Variants in AGTPBP1 observed in about 807,000 individuals in gnomAD.
AGTPBP1 encodes the protein ATP/GTP binding carboxypeptidase 1.
A neutral mutation model predicts 143.9 loss-of-function variants in AGTPBP1; 70 were observed. That is an observed-to-expected ratio of 0.49 (90% CI 0.40 to 0.59). The LOEUF is 0.59. Among genes scored for constraint, AGTPBP1 ranks in the 20% least tolerant of loss-of-function variants. The pLI, the probability that AGTPBP1 is intolerant of heterozygous loss-of-function variation, is 0.00. For missense variants in AGTPBP1, 1,229 were observed against 1,464.5 expected, an observed-to-expected ratio of 0.84 and a Z score of 2.62; for synonymous variants, 463 against 500.2, an observed-to-expected ratio of 0.93 and a Z score of 0.99.
intron 14 of AGTPBP1, among the ~76,000 whole-genome samples, chr9:85,624,349 A>G (rs1051636806): frequency 3.9e-5 from 6 of 152,292 alleles, no homozygotes; most frequent in Admixed American, 3.9e-4. Flanking sequence ...CAGTAGTGTA[A>G]CTCAACAACC....
chr9:85,679,489 G>A (rs796364725), intron 4 of AGTPBP1, among the ~76,000 whole-genome samples: 16 of 151,944 alleles, frequency 1.1e-4, no homozygotes, highest in African/African-American at 3.9e-4. Context: ...CTCACTGCAA[G>A]CTCCGCCTCC....
the AGTPBP1 span, among the ~76,000 whole-genome samples, chr9:85,764,203 T>C: frequency 6.6e-6 from 1 of 152,012 alleles, no homozygotes; most frequent in Non-Finnish European, 1.5e-5. Flanking sequence ...GACTTTTTTT[T>C]TTTAAAAAGG....
chr9:85,625,818 GA>G (rs1831240969), intron 14 of AGTPBP1, among the ~76,000 whole-genome samples: 1 of 151,002 alleles, frequency 6.6e-6, no homozygotes, highest in Admixed American at 6.6e-5. Context: ...CTGGGAGGCA[GA>G]GGTTGCAGTG....
chr9:85,611,155 CTTT>C (rs56023115), intron 17 of AGTPBP1, among the ~76,000 whole-genome samples: 34 of 112,732 alleles, frequency 3.0e-4, no homozygotes, highest in East Asian at 7.5e-4. Context: ...AGGGGCTTTT[CTTT>C]TTTTTTTTTT....
At chr9:85,714,841 T>TA (rs1837599572) in intron 1 of AGTPBP1, among the ~76,000 whole-genome samples, 1 of 152,168 alleles carries the variant, frequency 6.6e-6, no homozygotes, top group African/African-American at 2.4e-5. Flanking sequence ...ATATATCTGT[T>TA]AAACATCTCT....
chr9:85,681,454 T>C (rs1257991513), intron 3 of AGTPBP1, 119 bp from the exon 4 acceptor site: 2 of 767,424 alleles, frequency 2.6e-6, no homozygotes, highest in Middle Eastern at 3.6e-4. Context: ...ACACTCTAAC[T>C]TGGTTCACAG....
chr9:85,631,057 A>C (rs1334889671), intron 14 of AGTPBP1, among the ~76,000 whole-genome samples: 1 of 152,118 alleles, frequency 6.6e-6, no homozygotes, highest in East Asian at 1.9e-4. Context: ...TGGGTCAATC[A>C]CTTGTTGTCA....
In AGTPBP1 at chr9:85,634,336, C is replaced by T. The variant is rs534025797; in HGVS notation, c.1303-962G>A. 3.9e-5 allele frequency among the ~76,000 whole-genome samples: 6 copies of T among 151,962 alleles called. No homozygotes were observed. In the South Asian group the frequency reaches 6.2e-4, roughly 16 times the overall value. ...TGAGCAGATGAAATAGAAGCAAAGA[C>T]GGTGAGGGCACCACACAAGGGGTGC... On this transcript the variant is annotated intron_variant, in intron 13 of 25. Coordinates refer to ENST00000357081, the MANE Select transcript of AGTPBP1 (RefSeq NM_001330701.2).
At chr9:85,621,629 T>C (rs1258555117) in intron 14 of AGTPBP1, among the ~76,000 whole-genome samples, 1 of 152,032 alleles carries the variant, frequency 6.6e-6, no homozygotes, top group Admixed American at 6.5e-5. Flanking sequence ...GTATACATAA[T>C]AGCAGCATTA....
In AGTPBP1 at chr9:85,669,532, C is replaced by G; in HGVS notation, c.615G>C (p.Met205Ile). The change falls in exon 8 of 26, where the codon ATG (methionine) becomes ATC (isoleucine). Residue 205 changes from methionine (M) to isoleucine (I), a missense_variant. Coordinates refer to ENST00000357081, the MANE Select transcript of AGTPBP1 (RefSeq NM_001330701.2). ...SLGKNGVVEL[M>I]FKIIGPFSKK... ...TACTAAATGGTCCAATGATTTTAAACATCAGTTCCACAACTCCATTTTTCC... is the reference window on the plus strand; with the variant it reads ...TACTAAATGGTCCAATGATTTTAAAGATCAGTTCCACAACTCCATTTTTCC... 2.5e-6 allele frequency: 4 copies of G among 1,612,134 alleles called. No individual in the cohort carries two copies. The highest frequency in any genetic ancestry group is 3.4e-6 in the Non-Finnish European group (4 of 1,178,708).
chr9:85,632,072 C>CT (rs972182186), intron 14 of AGTPBP1, among the ~76,000 whole-genome samples: 2 of 151,002 alleles, frequency 1.3e-5, no homozygotes, highest in South Asian at 4.2e-4. Flanking sequence ...TCAATTTTTA[C>CT]TTTTTTTTAG....
intron 25 of AGTPBP1, among the ~76,000 whole-genome samples, chr9:85,560,629 T>G (rs1171670288): frequency 6.6e-6 from 1 of 152,200 alleles, no homozygotes; most frequent in Non-Finnish European, 1.5e-5. Flanking sequence ...GATAGATATT[T>G]TTCCTAACTC....
chr9:85,676,290 A>C (rs1486982943), intron 6 of AGTPBP1, among the ~76,000 whole-genome samples: 1 of 152,164 alleles, frequency 6.6e-6, no homozygotes, highest in Non-Finnish European at 1.5e-5. Context: ...AAATACTTAC[A>C]GACTACTCAT....
At chr9:85,628,657 G>T (rs889908956) in intron 14 of AGTPBP1, among the ~76,000 whole-genome samples, 1 of 152,102 alleles carries the variant, frequency 6.6e-6, no homozygotes, top group South Asian at 2.1e-4. Context: ...TTTTCTCATC[G>T]CAAATTTTCT....
chr9:85,772,907 T>C, the AGTPBP1 span, among the ~76,000 whole-genome samples: 1 of 152,192 alleles, frequency 6.6e-6, no homozygotes, highest in African/African-American at 2.4e-5. Flanking sequence ...TTATTAAATG[T>C]AAACTGCATA....
rs755511148 is a variant in AGTPBP1, at chr9:85,672,647, C to T, written c.471G>A (p.Gly157=). 1.2e-6 allele frequency: 2 copies of T among 1,611,880 alleles called. No homozygotes were observed. Among genetic ancestry groups the T allele is most frequent in the Admixed American group, 1.7e-5 (1 of 59,746 alleles). The stretch of plus-strand genomic sequence containing the variant: ...CCAAATTCAGGGTTATATTCAGAGC[C>T]CCATTAATTCTAGCCTTTACTCCAA... ...KKFGVKARIN[G]ALNITLNLVK... is the part of the protein sequence containing the mutation. The change falls in exon 7 of 26, where the codon GGG becomes GGA. Residue 157 remains glycine, a synonymous_variant. Transcript: ENST00000357081.
upstream of AGTPBP1, among the ~76,000 whole-genome samples, chr9:85,744,471 T>C (rs2134905341): frequency 6.6e-6 from 1 of 152,346 alleles, no homozygotes; most frequent in Non-Finnish European, 1.5e-5. Flanking sequence ...TTAGCTCAGC[T>C]AGATCCAGGT....
intron 25 of AGTPBP1, among the ~76,000 whole-genome samples, chr9:85,551,482 A>G (rs1388642997): frequency 2.0e-5 from 3 of 152,326 alleles, no homozygotes; most frequent in Non-Finnish European, 4.4e-5. Context: ...TCAGTACTAA[A>G]TCACAAGTGC....
At chr9:85,754,178 T>C in the AGTPBP1 span, among the ~76,000 whole-genome samples, 1 of 152,198 alleles carries the variant, frequency 6.6e-6, no homozygotes, top group Non-Finnish European at 1.5e-5. Flanking sequence ...TTTATTCCCA[T>C]CTCATGAAGA....
Sources: allele counts gnomAD v4.1 joint callset (sites outside exome capture counted in the v4.1 genomes callset), GRCh38; gene constraint gnomAD v4.1.1; transcripts MANE v1.5; gene names NCBI Gene and HGNC (gene_info 2026-07-23, HGNC 2026-07-21).